FLRT2: variants seen among roughly 807,000 people sequenced by gnomAD.
FLRT2 encodes fibronectin leucine rich transmembrane protein 2, also known as leucine-rich repeat transmembrane protein FLRT2.
In FLRT2, 15 loss-of-function variants were observed where a neutral mutation model predicts 40.0. The ratio of observed to expected loss-of-function variants is 0.38; its 90% CI spans 0.25 to 0.58. The LOEUF is 0.58. Ranked by LOEUF, FLRT2 falls within the 20% of genes least tolerant of loss-of-function variation. FLRT2 has a pLI of 0.71. For synonymous variants in FLRT2, 380 were observed against 336.8 expected (o/e 1.13, Z -1.41); for missense variants, 726 against 840.0 (o/e 0.86, Z 1.68).
chr14:85,570,561 TTTTA>T (rs10684274), intron 1 of FLRT2, among the ~76,000 whole-genome samples: 6,720 of 139,206 alleles, frequency 0.048, 402 homozygotes, highest in East Asian at 0.15. Flanking sequence ...TTTTTATTTA[TTTTA>T]TTTATTTATT....
At chr14:85,607,715 T>G (rs982204794) in intron 1 of FLRT2, among the ~76,000 whole-genome samples, 1 of 152,232 alleles carries the variant, frequency 6.6e-6, no homozygotes, top group African/African-American at 2.4e-5. Context: ...TGTGTTGTAA[T>G]TAGTTGTGGC....
At position 85,592,145 on chromosome 14, in the gene FLRT2, AAT is replaced by A. The variant is rs572506442; in HGVS notation, c.-376-28991_-376-28990del. ...GATGTGACAGGAAGAAAACAAAAAA[AAT>A]ATTTTATAAGTTTTTTTTAAGTGAT... On this transcript the variant is annotated intron_variant, in intron 1 of 1. Transcript: ENST00000330753. Among the ~76,000 whole-genome samples, 308 of 152,300 alleles carry A rather than the reference AAT, an allele frequency of 2.0e-3. 1 individual carries two copies. Among genetic ancestry groups the A allele is most frequent in the African/African-American group, 7.1e-3 (293 of 41,548 alleles).
At chr14:85,546,498 C>T (rs1482987151) in intron 1 of FLRT2, among the ~76,000 whole-genome samples, 1 of 152,108 alleles carries the variant, frequency 6.6e-6, no homozygotes, top group East Asian at 1.9e-4. Flanking sequence ...GTGAATGGCT[C>T]CACAGGCAGC....
At chr14:85,610,306 C>G (rs1020689818) in intron 1 of FLRT2, among the ~76,000 whole-genome samples, 1 of 152,108 alleles carries the variant, frequency 6.6e-6, no homozygotes, top group Admixed American at 6.5e-5. Context: ...GACAGAAGTT[C>G]AGAGCATACT....
At chr14:85,566,775 A>AG (rs1033506478) in intron 1 of FLRT2, among the ~76,000 whole-genome samples, 1 of 4,092 alleles carries the variant, frequency 2.4e-4, no homozygotes, top group Non-Finnish European at 4.1e-4. Context: ...CTTCAGCATG[A>AG]AAAAAAAAAA....
chr14:85,603,745 G>C (rs1306738896), intron 1 of FLRT2, among the ~76,000 whole-genome samples: 1 of 152,082 alleles, frequency 6.6e-6, no homozygotes, highest in East Asian at 1.9e-4. Context: ...GTATGCACCT[G>C]TAGTCCCTGC....
intron 1 of FLRT2, among the ~76,000 whole-genome samples, chr14:85,588,121 C>T (rs909877552): frequency 2.0e-5 from 3 of 152,038 alleles, no homozygotes; most frequent in Non-Finnish European, 2.9e-5. Flanking sequence ...TATTGCAGAA[C>T]GAAACAAGTG....
rs1265850724 is a variant in FLRT2, at chr14:85,550,277, C to T, written c.-377+19743C>T. On this transcript the variant is annotated intron_variant, in intron 1 of 1. Coordinates refer to ENST00000330753, the MANE Select transcript of FLRT2 (RefSeq NM_013231.6). Reference sequence around the variant, plus strand: ...TATGGGGACAGTGCTGTGAGTGTTTCTACTGGTGGAATTCTCAAGTACGAG... The same window carrying T: ...TATGGGGACAGTGCTGTGAGTGTTTTTACTGGTGGAATTCTCAAGTACGAG... Among the ~76,000 whole-genome samples the T allele has an allele frequency of 3.9e-5, 6 of 152,204 alleles. No individual in the cohort carries two copies. In the East Asian group the frequency reaches 9.7e-4, roughly 25 times the overall value.
chr14:85,582,210 CATT>C (rs1891419881), intron 1 of FLRT2, among the ~76,000 whole-genome samples: 1 of 152,076 alleles, frequency 6.6e-6, no homozygotes, highest in Non-Finnish European at 1.5e-5. Context: ...GCCATATGAG[CATT>C]ATTCTGATAC....
intron 1 of FLRT2, among the ~76,000 whole-genome samples, chr14:85,609,779 G>A (rs1762394630): frequency 6.6e-6 from 1 of 152,216 alleles, no homozygotes; most frequent in Non-Finnish European, 1.5e-5. Context: ...CCTCTCGTGA[G>A]TCACACAGCC....
chr14:85,535,892 G>GTTTTGTTTTTTTT (rs1566713949), intron 1 of FLRT2, among the ~76,000 whole-genome samples: 4 of 57,896 alleles, frequency 6.9e-5, no homozygotes, highest in Non-Finnish European at 1.0e-4. Context: ...AAGGAATGCT[G>GTTTTGTTTTTTTT]TTTTTTTTTT....
rs2139392357 is a variant in FLRT2, at chr14:85,636,670, A to C, written c.*13173A>C. ...CCGGGTGTGGTGGCTCATGCCTGTA[A>C]TCCCAGCACTTTTGGAGGCTGAGGT... is the stretch of plus-strand genomic sequence containing the variant. On this transcript the variant is annotated 3_prime_UTR_variant, in exon 2 of 2. Transcript: ENST00000330753. 6.6e-6 allele frequency: 1 copy of C among 152,178 alleles called. No individual in the cohort carries two copies. The highest frequency in any genetic ancestry group is 2.4e-5 in the African/African-American group (1 of 41,554). 9.4% of individuals were successfully genotyped at this position (152,178 alleles called of 1,614,324 possible).
chr14:85,573,240 C>T (rs1890976906), intron 1 of FLRT2, among the ~76,000 whole-genome samples: 1 of 151,956 alleles, frequency 6.6e-6, no homozygotes, highest in Non-Finnish European at 1.5e-5. Flanking sequence ...CCCTCCCTCT[C>T]CCACCCCTTC....
At position 85,589,403 on chromosome 14, in the gene FLRT2, T is replaced by C. The variant is rs181582089; in HGVS notation, c.-376-31736T>C. On this transcript the variant is annotated intron_variant, in intron 1 of 1. Transcript: ENST00000330753. ...TTTTCATATGCCTGATTGCCATTTG[T>C]GTTTCTTCTTTTGAGAAATGTCTGT... is the stretch of plus-strand genomic sequence containing the variant. Among the ~76,000 whole-genome samples, 11 of 152,360 alleles carry C rather than the reference T, an allele frequency of 7.2e-5. No individual in the cohort carries two copies. The East Asian group carries it at 1.9e-3, about 27-fold the overall frequency.
chr14:85,541,196 A>G (rs1186846130), intron 1 of FLRT2, among the ~76,000 whole-genome samples: 1 of 152,194 alleles, frequency 6.6e-6, no homozygotes, highest in African/African-American at 2.4e-5. Context: ...TTTAAGTCTG[A>G]CTGGCCTGAT....
intron 1 of FLRT2, among the ~76,000 whole-genome samples, chr14:85,598,786 G>A (rs1013400944): frequency 1.3e-5 from 2 of 152,058 alleles, no homozygotes; most frequent in African/African-American, 2.4e-5. Context: ...GTAGGTCTTC[G>A]GAATTCAATT....
At chr14:85,583,593 C>A (rs1289249167) in intron 1 of FLRT2, among the ~76,000 whole-genome samples, 1 of 152,178 alleles carries the variant, frequency 6.6e-6, no homozygotes, top group Non-Finnish European at 1.5e-5. Context: ...TAGCACAGCC[C>A]TGGACTCCTA....
chr14:85,624,179 A>G lies in FLRT2; in HGVS notation c.*682A>G, dbSNP rs1304424937. Reference sequence around the variant, plus strand: ...TGGCTTTCTGACTGGGAACTTAAAAATCACTCTTCATGCTTCCCTGGTCCT... The same window carrying G: ...TGGCTTTCTGACTGGGAACTTAAAAGTCACTCTTCATGCTTCCCTGGTCCT... On this transcript the variant is annotated 3_prime_UTR_variant, in exon 2 of 2. Coordinates refer to ENST00000330753, the MANE Select transcript of FLRT2 (RefSeq NM_013231.6). 6.0e-6 allele frequency: 1 copy of G among 166,984 alleles called. No individual in the cohort carries two copies. Among genetic ancestry groups the G allele is most frequent in the Non-Finnish European group, 1.5e-5 (1 of 68,114 alleles). The allele number at this position is 166,984 out of a possible 1,614,324, so 10.3% of individuals were successfully genotyped here. A position where few individuals can be genotyped will look rare whatever the true frequency, so the allele number is the denominator to read the frequency against.
chr14:85,557,497 T>C (rs1034578782), intron 1 of FLRT2, among the ~76,000 whole-genome samples: 1 of 152,140 alleles, frequency 6.6e-6, no homozygotes, highest in Non-Finnish European at 1.5e-5. Context: ...GCATCTCCAC[T>C]AGGCCCAGAT....
Sources: allele counts gnomAD v4.1 joint callset (sites outside exome capture counted in the v4.1 genomes callset), GRCh38; gene constraint gnomAD v4.1.1; transcripts MANE v1.5; gene names NCBI Gene and HGNC (gene_info 2026-07-23, HGNC 2026-07-21).